The following RABGAP1L variants were observed in gnomAD, a reference collection of about 807,000 sequenced individuals.
RABGAP1L encodes rab GTPase-activating protein 1-like.
A neutral mutation model predicts 137.7 loss-of-function variants in RABGAP1L; 63 were observed. That is an observed-to-expected ratio of 0.46 (90% CI 0.37 to 0.56). The LOEUF (loss-of-function observed/expected upper bound fraction) is 0.56. Ranked by LOEUF, RABGAP1L falls within the 20% of genes least tolerant of loss-of-function variation. RABGAP1L has a pLI of 0.00. For synonymous variants in RABGAP1L, 431 were observed against 433.7 expected (o/e 0.99, Z 0.08); for missense variants, 1,095 against 1,244.0 (o/e 0.88, Z 1.80).
chr1:174,227,562 T>A (rs1451147132), intron 3 of RABGAP1L, among the ~76,000 whole-genome samples: 1 of 152,172 alleles, frequency 6.6e-6, no homozygotes, highest in Non-Finnish European at 1.5e-5. Flanking sequence ...ACTCTCTTGC[T>A]GTTTTTCTCT....
chr1:174,548,487 C>T (rs1457264297), intron 13 of RABGAP1L: 1 of 944,512 alleles, frequency 1.1e-6, no homozygotes, highest in African/African-American at 1.8e-5. Context: ...AATTTTATAA[C>T]CTGATTTTCT....
chr1:174,326,709 T>C (rs1680468716), intron 11 of RABGAP1L, among the ~76,000 whole-genome samples: 1 of 152,142 alleles, frequency 6.6e-6, no homozygotes, highest in Admixed American at 6.5e-5. Context: ...ATAACAAGAC[T>C]AGATTTACCA....
At chr1:174,467,830 A>G (rs1349854231) in intron 13 of RABGAP1L, among the ~76,000 whole-genome samples, 1 of 152,168 alleles carries the variant, frequency 6.6e-6, no homozygotes. Context: ...TTATACTGAC[A>G]TGTATATTAA....
intron 11 of RABGAP1L, among the ~76,000 whole-genome samples, chr1:174,365,906 C>G (rs1301946037): frequency 6.6e-6 from 1 of 152,142 alleles, no homozygotes; most frequent in Non-Finnish European, 1.5e-5. Flanking sequence ...TTGGTGTAGG[C>G]TTCTATTCTG....
intron 11 of RABGAP1L, among the ~76,000 whole-genome samples, chr1:174,363,307 G>A (rs1267005944): frequency 2.0e-5 from 3 of 152,126 alleles, no homozygotes; most frequent in Non-Finnish European, 4.4e-5. Flanking sequence ...TAGTTTTTTT[G>A]TAGTTCTTTG....
At chr1:174,807,235 T>C (rs1296070407) in intron 18 of RABGAP1L, among the ~76,000 whole-genome samples, 5 of 152,238 alleles carry the variant, frequency 3.3e-5, no homozygotes, top group Non-Finnish European at 5.9e-5. Flanking sequence ...TCAGACCTTA[T>C]ATTAGGCTTT....
intron 19 of RABGAP1L, among the ~76,000 whole-genome samples, chr1:174,813,590 T>G (rs1690096055): frequency 6.6e-6 from 1 of 152,236 alleles, no homozygotes; most frequent in Non-Finnish European, 1.5e-5. Context: ...AAAAATTATT[T>G]TGTCTTTCAA....
intron 19 of RABGAP1L, among the ~76,000 whole-genome samples, chr1:174,816,665 T>C (rs1690447102): frequency 6.6e-6 from 1 of 152,108 alleles, no homozygotes; most frequent in African/African-American, 2.4e-5. Context: ...AATAGGTGCA[T>C]ATGTAGCTTA....
intron 13 of RABGAP1L, among the ~76,000 whole-genome samples, chr1:174,635,064 TAAAAAAAGA>T (rs1035367270): frequency 5.3e-5 from 8 of 150,660 alleles, no homozygotes; most frequent in Admixed American, 1.3e-4. Flanking sequence ...AATAAAAAAA[TAAAAAAAGA>T]AAAAAAAGAA....
At chr1:174,760,599 C>G (rs1181314764) in intron 18 of RABGAP1L, among the ~76,000 whole-genome samples, 2 of 152,150 alleles carry the variant, frequency 1.3e-5, no homozygotes, top group Admixed American at 1.3e-4. Context: ...GATTCCATGT[C>G]TTTGCTATTG....
intron 19 of RABGAP1L, among the ~76,000 whole-genome samples, chr1:174,915,240 A>G (rs2149208734): frequency 6.6e-6 from 1 of 152,288 alleles, no homozygotes; most frequent in Admixed American, 6.5e-5. Flanking sequence ...CTTTTAAGAA[A>G]TTGCCATACT....
At position 174,491,839 on chromosome 1, in the gene RABGAP1L, G is replaced by C. The variant is rs778356778; in HGVS notation, c.1710+97694G>C. On this transcript the variant is annotated intron_variant, in intron 13 of 25. Transcript: ENST00000681986. ...AGTGGCTGTCAGCTAAGTACAGCCT[G>C]GTTCTGCTTTTGCTATGACAGGACA... is the stretch of plus-strand genomic sequence containing the variant. Among the ~76,000 whole-genome samples the C allele has an allele frequency of 5.9e-4, 90 of 152,272 alleles. 1 individual carries two copies. Among genetic ancestry groups the C allele is most frequent in the Non-Finnish European group, 2.4e-4 (16 of 68,020 alleles).
Position 174,448,992 on chromosome 1 carries a change from A to G in RABGAP1L, c.1710+54847A>G, listed in dbSNP as rs924153268. On this transcript the variant is annotated intron_variant, in intron 13 of 25. Transcript: ENST00000681986. This position sits in a 1 kb window ranked among gnomAD's most constrained non-coding sequence, Gnocchi z 4.2. ...CTTCTAGAAAGCTCCCGGGTCTTGG[A>G]CAATCCAACTCTGTCCTTCTTAACA... is the stretch of plus-strand genomic sequence containing the variant. 2 of 1,613,710 alleles carry G rather than the reference A, an allele frequency of 1.2e-6. No individual in the cohort carries two copies. The highest frequency in any genetic ancestry group is 1.7e-5 in the Admixed American group (1 of 60,002).
intron 13 of RABGAP1L, among the ~76,000 whole-genome samples, chr1:174,532,760 C>T (rs564123604): frequency 5.3e-5 from 8 of 151,660 alleles, no homozygotes; most frequent in African/African-American, 9.7e-5. Context: ...TTACATATAA[C>T]GGAATACTAT....
intron 19 of RABGAP1L, chr1:174,849,883 G>T: frequency 5.2e-6 from 3 of 577,602 alleles, no homozygotes; most frequent in Non-Finnish European, 1.0e-5. Context: ...TGGCCAAAAG[G>T]CAATCTGAAT....
At chr1:174,624,619 A>G (rs1300642458) in intron 13 of RABGAP1L, among the ~76,000 whole-genome samples, 1 of 152,188 alleles carries the variant, frequency 6.6e-6, no homozygotes, top group Admixed American at 6.5e-5. Context: ...TTTCTGAGGT[A>G]AGTTAATCCA....
Position 174,411,814 on chromosome 1 carries a change from A to T in RABGAP1L, c.1710+17669A>T, listed in dbSNP as rs924606214. On this transcript the variant is annotated intron_variant, in intron 13 of 25. Transcript: ENST00000681986. Reference sequence around the variant, plus strand: ...GTTTTGAGAGAGCTTTTTGATACTGATTTCTATTTGTATTCCACTGTGGTC... The same window carrying T: ...GTTTTGAGAGAGCTTTTTGATACTGTTTTCTATTTGTATTCCACTGTGGTC... 3.3e-5 allele frequency among the ~76,000 whole-genome samples: 5 copies of T among 152,012 alleles called. 1 individual carries two copies. Among genetic ancestry groups the T allele is most frequent in the South Asian group, 4.2e-4 (2 of 4,814 alleles).
chr1:174,234,315 G>T (rs1670960126), intron 4 of RABGAP1L, among the ~76,000 whole-genome samples: 1 of 126,514 alleles, frequency 7.9e-6, no homozygotes, highest in Non-Finnish European at 1.6e-5. Context: ...CATTGCTTTT[G>T]GTGTTTTGGA....
intron 13 of RABGAP1L, among the ~76,000 whole-genome samples, chr1:174,405,902 C>G (rs989858449): frequency 6.6e-6 from 1 of 151,556 alleles, no homozygotes; most frequent in Non-Finnish European, 1.5e-5. Context: ...CACTTGAGCC[C>G]GGGAGGCAGA....
Sources: allele counts gnomAD v4.1 joint callset (sites outside exome capture counted in the v4.1 genomes callset), GRCh38; gene constraint gnomAD v4.1.1; non-coding constraint Gnocchi (gnomAD v3.1); transcripts MANE v1.5; gene names NCBI Gene and HGNC (gene_info 2026-07-23, HGNC 2026-07-21).